Variants in ZMAT4 observed in about 807,000 individuals in gnomAD.
ZMAT4 encodes the protein zinc finger matrin-type protein 4.
In ZMAT4, 17 loss-of-function variants were observed where a neutral mutation model predicts 28.7. That is an observed-to-expected ratio of 0.59 (90% CI 0.41 to 0.89). ZMAT4 has a LOEUF of 0.89. ZMAT4 is among the 40% of genes least tolerant of loss of function. ZMAT4 has a pLI of 0.00. For missense variants in ZMAT4, 240 were observed against 283.8 expected (o/e 0.85, Z 1.11); for synonymous variants, 117 against 109.2 (o/e 1.07, Z -0.44).
chr8:40,865,426 G>T (rs1231096221), intron 1 of ZMAT4, among the ~76,000 whole-genome samples: 1 of 152,194 alleles, frequency 6.6e-6, no homozygotes, highest in African/African-American at 2.4e-5. Flanking sequence ...ATGGAGAGGA[G>T]TTGGAAATGA....
chr8:40,623,654 C>T (rs905251838), intron 5 of ZMAT4, among the ~76,000 whole-genome samples: 1 of 152,186 alleles, frequency 6.6e-6, no homozygotes, highest in South Asian at 2.1e-4. Context: ...CTGAATCAAA[C>T]GTTCCAGCAA....
intron 6 of ZMAT4, among the ~76,000 whole-genome samples, chr8:40,558,597 G>A (rs1448819483): frequency 6.6e-6 from 1 of 152,134 alleles, no homozygotes; most frequent in African/African-American, 2.4e-5. Context: ...TTAGAAATAA[G>A]GGGAGATTTG....
intron 5 of ZMAT4, among the ~76,000 whole-genome samples, chr8:40,646,228 T>G (rs1807306939): frequency 6.6e-6 from 1 of 152,046 alleles, no homozygotes; most frequent in Admixed American, 6.5e-5. Flanking sequence ...ACTTGTTTTC[T>G]GTTTATCTCA....
intron 2 of ZMAT4, among the ~76,000 whole-genome samples, chr8:40,783,724 A>G (rs1813940660): frequency 6.6e-6 from 1 of 152,188 alleles, no homozygotes; most frequent in Admixed American, 6.5e-5. Flanking sequence ...TATTAAAGAA[A>G]TTGAGGCCAG....
At position 40,872,518 on chromosome 8, in the gene ZMAT4, A is replaced by G. The variant is rs914657221; in HGVS notation, c.-5+25165T>C. ...CTCAAAGCTCCTGTCCTGGGCAGGC[A>G]GGCACCTGTCCTCTCTGCCTTAGTG... On this transcript the variant is annotated intron_variant, in intron 1 of 6. Transcript: ENST00000297737. Among the ~76,000 whole-genome samples the G allele has an allele frequency of 4.2e-4, 64 of 152,144 alleles. 2 individuals are homozygous for G. The highest frequency in any genetic ancestry group is 2.6e-4 in the Admixed American group (4 of 15,280).
In ZMAT4 at chr8:40,739,514, G is replaced by A. The variant is rs6984740; in HGVS notation, c.192+28127C>T. Among the ~76,000 whole-genome samples, 943 of 152,142 alleles carry A rather than the reference G, an allele frequency of 6.2e-3. 6 individuals carry two copies. Among genetic ancestry groups the A allele is most frequent in the African/African-American group, 0.022 (899 of 41,412 alleles). ...ATTCTTTAATTTGGGATTGTAAAAG[G>A]TAATACAGTGATCTATTTGAGTTCC... On this transcript the variant is annotated intron_variant, in intron 3 of 6. Transcript: ENST00000297737.
chr8:40,675,833 T>A (rs1444712743), intron 4 of ZMAT4, among the ~76,000 whole-genome samples: 1 of 152,198 alleles, frequency 6.6e-6, no homozygotes, highest in African/African-American at 2.4e-5. Flanking sequence ...GAAATAACAA[T>A]GTTTTTTTAA....
chr8:40,800,169 A>C (rs571930686), intron 2 of ZMAT4, among the ~76,000 whole-genome samples: 55 of 152,358 alleles, frequency 3.6e-4, no homozygotes, highest in African/African-American at 1.3e-3. Flanking sequence ...TGTAATGATA[A>C]AGGGCTAATT....
intron 4 of ZMAT4, chr8:40,690,826 G>GA (rs1419465679): frequency 3.8e-5 from 34 of 883,250 alleles, no homozygotes; most frequent in South Asian, 1.0e-4. Flanking sequence ...AGGAAATAAG[G>GA]AAAAAAAGAA....
At chr8:40,578,451 A>T (rs1475884152) in intron 6 of ZMAT4, among the ~76,000 whole-genome samples, 3 of 152,202 alleles carry the variant, frequency 2.0e-5, no homozygotes, top group African/African-American at 7.2e-5. Flanking sequence ...GAGAATTCTT[A>T]AATAGCACTC....
chr8:40,889,034 A>G (rs1479151494), intron 1 of ZMAT4, among the ~76,000 whole-genome samples: 1 of 152,136 alleles, frequency 6.6e-6, no homozygotes, highest in Non-Finnish European at 1.5e-5. Flanking sequence ...ACCTAACAAA[A>G]CCACTCACTG....
rs541557814 is a variant in ZMAT4 at position 40,601,384 on chromosome 8, G to A, written c.578-20123C>T. ...GTAAAGAGGCTGATAGCCAAAAGAA[G>A]GAAGGAAGGAAGGAGGAAAGAAAGG... On this transcript the variant is annotated intron_variant, in intron 5 of 6. Transcript: ENST00000297737. 1.0e-4 allele frequency among the ~76,000 whole-genome samples: 14 copies of A among 136,138 alleles called. No individual in the cohort carries two copies. The South Asian group carries it at 3.4e-3, about 33-fold the overall frequency. 89.3% of individuals were successfully genotyped at this position (136,138 alleles called of 152,430 possible).
At chr8:40,752,689 A>C (rs1191927321) in intron 3 of ZMAT4, among the ~76,000 whole-genome samples, 1 of 152,060 alleles carries the variant, frequency 6.6e-6, no homozygotes, top group Non-Finnish European at 1.5e-5. Context: ...TTACCTACTC[A>C]GGTATCCTCC....
At chr8:40,570,864 CTCCT>C (rs1804075642) in intron 6 of ZMAT4, among the ~76,000 whole-genome samples, 1 of 152,184 alleles carries the variant, frequency 6.6e-6, no homozygotes, top group African/African-American at 2.4e-5. Context: ...CTCCACCACT[CTCCT>C]TCCAGTTCTT....
At chr8:40,589,721 TTCTTCCTTTCC>T (rs142987891) in intron 5 of ZMAT4, among the ~76,000 whole-genome samples, 6 of 122,652 alleles carry the variant, frequency 4.9e-5, no homozygotes, top group African/African-American at 8.6e-5. Context: ...TCCTTCTTCC[TTCTTCCTTTCC>T]TTTCTTTCTT....
At chr8:40,612,217 T>G (rs75517789) in intron 5 of ZMAT4, among the ~76,000 whole-genome samples, 4 of 88,484 alleles carry the variant, frequency 4.5e-5, no homozygotes, top group Non-Finnish European at 1.0e-4. Flanking sequence ...CAATGCTCAT[T>G]CATATCCTCT....
At chr8:40,686,605 G>A (rs1809420491) in intron 4 of ZMAT4, among the ~76,000 whole-genome samples, 1 of 152,006 alleles carries the variant, frequency 6.6e-6, no homozygotes, top group South Asian at 2.1e-4. Flanking sequence ...TCCAGCTTGG[G>A]CAACAGAGTG....
intron 1 of ZMAT4, among the ~76,000 whole-genome samples, chr8:40,892,821 G>T (rs534944667): frequency 5.9e-5 from 9 of 152,322 alleles, no homozygotes; most frequent in Admixed American, 5.9e-4. Flanking sequence ...CAGGGGAAGG[G>T]TCTCTAGGCT....
At chr8:40,817,862 T>C (rs1273138828) in intron 2 of ZMAT4, among the ~76,000 whole-genome samples, 1 of 152,240 alleles carries the variant, frequency 6.6e-6, no homozygotes, top group Non-Finnish European at 1.5e-5. Flanking sequence ...ATAGAGATGA[T>C]GCTATGTGTT....
Sources: gnomAD v4.1 joint callset for allele counts (sites outside exome capture counted in the v4.1 genomes callset) on GRCh38, gnomAD v4.1.1 for gene constraint, MANE v1.5 for transcripts, NCBI Gene and HGNC (gene_info 2026-07-23, HGNC 2026-07-21) for gene names.